Variants in NEDD4 observed in about 807,000 individuals in gnomAD.
NEDD4 encodes E3 ubiquitin-protein ligase NEDD4.
A neutral mutation model predicts 144.9 loss-of-function variants in NEDD4; 99 were observed. The observed-to-expected ratio is 0.68, with a 90% CI of 0.58 to 0.81. The LOEUF is 0.81. Ranked by LOEUF, NEDD4 falls within the 30% of genes least tolerant of loss-of-function variation. The pLI is 0.00. For synonymous variants in NEDD4, 318 were observed against 350.6 expected (o/e 0.91, Z 1.04); for missense variants, 985 against 1,065.9 (o/e 0.92, Z 1.06).
intron 1 of NEDD4, 122 bp downstream of exon 1, chr15:55,993,389 G>C (rs1746531117): frequency 7.8e-7 from 1 of 1,278,876 alleles, no homozygotes; most frequent in Non-Finnish European, 1.1e-6. Flanking sequence ...CCCCAGGCTC[G>C]CGCCGAGGGA....
intron 2 of NEDD4, among the ~76,000 whole-genome samples, chr15:55,957,586 T>G (rs2037357943): frequency 6.6e-6 from 1 of 152,186 alleles, no homozygotes; most frequent in Non-Finnish European, 1.5e-5. Context: ...GATCTAGAAC[T>G]AGAAATACCA....
intron 5 of NEDD4, among the ~76,000 whole-genome samples, chr15:55,901,507 G>C (rs376810890): frequency 1.3e-5 from 2 of 152,092 alleles, no homozygotes; most frequent in African/African-American, 2.4e-5. Context: ...ATCAAAATTC[G>C]TGAGTATAAG....
chr15:55,907,257 T>G (rs1180293622), intron 5 of NEDD4, among the ~76,000 whole-genome samples: 1 of 152,042 alleles, frequency 6.6e-6, no homozygotes, highest in Non-Finnish European at 1.5e-5. Context: ...AAACTTTGGC[T>G]AACAGGAATT....
At position 55,869,697 on chromosome 15, in the gene NEDD4, T is replaced by A; in HGVS notation, c.405-16A>T. ...TGATTTGTGACTGTAGAAAAGAAAA[T>A]AAATATTCATAAAACTTTAACACCG... On this transcript the variant is annotated splice_polypyrimidine_tract_variant and intron_variant, in intron 7 of 28. Transcript: ENST00000435532. The A allele has an allele frequency of 1.4e-6, 2 of 1,413,854 alleles. No individual in the cohort carries two copies. The highest frequency in any genetic ancestry group is 1.9e-6 in the Non-Finnish European group (2 of 1,028,740). The allele number at this position is 1,413,854 out of a possible 1,614,324, so 87.6% of individuals were successfully genotyped here.
chr15:55,947,423 G>C (rs1417701518), intron 4 of NEDD4, among the ~76,000 whole-genome samples: 1 of 152,160 alleles, frequency 6.6e-6, no homozygotes, highest in Non-Finnish European at 1.5e-5. Flanking sequence ...AGAAGAAATG[G>C]ATAAATTCCT....
chr15:55,895,344 C>A (rs892417160), intron 5 of NEDD4, among the ~76,000 whole-genome samples: 2 of 152,160 alleles, frequency 1.3e-5, no homozygotes, highest in African/African-American at 2.4e-5. Flanking sequence ...AATCAGCAGA[C>A]GACTGCTACT....
intron 2 of NEDD4, among the ~76,000 whole-genome samples, chr15:55,958,783 T>C (rs2037380063): frequency 6.6e-6 from 1 of 152,028 alleles, no homozygotes; most frequent in Admixed American, 6.6e-5. Context: ...TTCACTAAAT[T>C]GTGTGTACTT....
At chr15:55,906,737 A>C in intron 5 of NEDD4, among the ~76,000 whole-genome samples, 1 of 152,194 alleles carries the variant, frequency 6.6e-6, no homozygotes, top group Non-Finnish European at 1.5e-5. Flanking sequence ...CATATGTAAC[A>C]AATCTGCACA....
intron 5 of NEDD4, among the ~76,000 whole-genome samples, chr15:55,877,664 G>A (rs1466347137): frequency 6.6e-6 from 1 of 152,058 alleles, no homozygotes; most frequent in Non-Finnish European, 1.5e-5. Flanking sequence ...TGTGGTGCTT[G>A]CCAAATGTTG....
In NEDD4 at chr15:55,875,613, C is replaced by T. The variant is rs184180671; in HGVS notation, c.292-1605G>A. On this transcript the variant is annotated intron_variant, in intron 5 of 28. Coordinates refer to ENST00000435532, the MANE Select transcript of NEDD4 (RefSeq NM_006154.4). ...GATTACAGGTGTTAGCCACCACGGC[C>T]GGCCAGATGTACATTTTAGAACTGA... Among the ~76,000 whole-genome samples, 241 of 151,892 alleles carry T rather than the reference C, an allele frequency of 1.6e-3. 1 individual carries two copies. Among genetic ancestry groups the T allele is most frequent in the African/African-American group, 5.7e-3 (236 of 41,372 alleles).
chr15:55,830,611 T>C, intron 27 of NEDD4, 25 bp from the exon 28 acceptor site: 1 of 1,598,852 alleles, frequency 6.3e-7, no homozygotes, highest in Non-Finnish European at 8.6e-7. Flanking sequence ...TTATTTGGTT[T>C]CATTTACTCT....
chr15:55,859,519 C>T (rs1190768412), intron 11 of NEDD4, among the ~76,000 whole-genome samples: 1 of 152,076 alleles, frequency 6.6e-6, no homozygotes, highest in Admixed American at 6.6e-5. Context: ...CAGGGTGAAA[C>T]TCCTCCATCT....
At chr15:55,908,483 C>T (rs1380338541) in intron 5 of NEDD4, among the ~76,000 whole-genome samples, 2 of 152,072 alleles carry the variant, frequency 1.3e-5, no homozygotes, top group African/African-American at 2.4e-5. Flanking sequence ...ATGGATACTT[C>T]GACTTTGAAC....
rs369333047 is a variant in NEDD4, at chr15:55,924,748, A to G, written c.238-49T>C. 3 of 1,531,292 alleles carry G rather than the reference A, an allele frequency of 2.0e-6. No homozygotes were observed. The Admixed American group carries it at 5.6e-5, about 29-fold the overall frequency. The allele number at this position is 1,531,292 out of a possible 1,614,324, so 94.9% of individuals were successfully genotyped here. ...TAAAAACAAGTAAACATCAACCCAC[A>G]GATACTCAGAAATAAATGCTTAAAG... On this transcript the variant is annotated intron_variant, in intron 4 of 28. Transcript: ENST00000435532.
At chr15:55,852,361 G>A in intron 13 of NEDD4, 63 bp downstream of exon 13, 1 of 1,528,974 alleles carries the variant, frequency 6.5e-7, no homozygotes, top group Non-Finnish European at 8.9e-7. Context: ...TGATGTAATA[G>A]TTTACATAGG....
chr15:55,936,481 A>T (rs143040781), intron 4 of NEDD4, among the ~76,000 whole-genome samples: 1 of 152,196 alleles, frequency 6.6e-6, no homozygotes, highest in Non-Finnish European at 1.5e-5. Flanking sequence ...GTTTATCGAG[A>T]TGAAATTATG....
intron 5 of NEDD4, among the ~76,000 whole-genome samples, chr15:55,921,183 T>C (rs911429955): frequency 5.3e-5 from 8 of 152,128 alleles, no homozygotes; most frequent in Admixed American, 4.6e-4. Flanking sequence ...GCAGGGCAAA[T>C]ATTGTTGTCC....
chr15:55,972,345 G>T (rs1402870491), intron 1 of NEDD4, among the ~76,000 whole-genome samples: 1 of 151,958 alleles, frequency 6.6e-6, no homozygotes, highest in Non-Finnish European at 1.5e-5. Flanking sequence ...AATATAATAA[G>T]ACAAAAATAG....
intron 4 of NEDD4, among the ~76,000 whole-genome samples, chr15:55,937,288 A>C (rs756398201): frequency 3.3e-5 from 5 of 152,204 alleles, no homozygotes; most frequent in Non-Finnish European, 7.3e-5. Context: ...CTCAACAGAC[A>C]TTTTTATGGC....
Sources: allele counts gnomAD v4.1 joint callset (sites outside exome capture counted in the v4.1 genomes callset), GRCh38; gene constraint gnomAD v4.1.1; transcripts MANE v1.5; gene names NCBI Gene and HGNC (gene_info 2026-07-23, HGNC 2026-07-21).